TRIOBP: variants seen among roughly 807,000 people sequenced by gnomAD.
TRIOBP encodes TRIO and F-actin-binding protein.
In TRIOBP, 169 loss-of-function variants were observed where a neutral mutation model predicts 238.8. The observed-to-expected ratio is 0.71, with a 90% CI of 0.62 to 0.80. The LOEUF is 0.80. Among genes scored for constraint, TRIOBP ranks in the 30% least tolerant of loss-of-function variants. TRIOBP has a pLI of 0.00. For synonymous variants in TRIOBP, 1,150 were observed against 1,274.4 expected (o/e 0.90, Z 2.08); for missense variants, 2,838 against 3,122.6 (o/e 0.91, Z 2.17).
chr22:37,760,173 T>A (rs1174422000), intron 17 of TRIOBP: 1 of 152,596 alleles, frequency 6.6e-6, no homozygotes, highest in African/African-American at 2.4e-5. Context: ...CTATTGAGAA[T>A]ATTTGAGAAT....
chr22:37,725,099 G>A lies in TRIOBP; in HGVS notation c.2543G>A (p.Cys848Tyr). 6.2e-7 allele frequency: 1 copy of A among 1,614,104 alleles called. No homozygotes were observed. Among genetic ancestry groups the A allele is most frequent in the Non-Finnish European group, 8.5e-7 (1 of 1,180,028 alleles). The part of the protein sequence containing the change: ...CTKRDNLRPT[C>Y]TQRDRTQSFS... The stretch of plus-strand genomic sequence containing the variant: ...AAACGAGATAACCTCAGACCCACTT[G>A]TACACAGCGGGACCGCACACAGTCC... The change falls in exon 7 of 24, where the codon TGT becomes TAT. Residue 848 changes from cysteine (C) to tyrosine (Y), a missense_variant. Cys to Tyr is a radical substitution (Grantham distance 194). Around this residue, in one of 5 missense-constraint regions of TRIOBP, gnomAD observed 2,096 missense variants for 2,137.4 expected, o/e 0.98. Coordinates refer to ENST00000644935, the MANE Select transcript of TRIOBP (RefSeq NM_001039141.3).
rs1156628452 is a variant in TRIOBP at position 37,769,279 on chromosome 22, G to A, written c.6753G>A (p.Leu2251=). ...TCTCCCAGGAGCTGCATGGCCGCCT[G>A]TCAGAGGAGATAGACCAGCTGCGCG... The part of the protein sequence containing the change: ...LRHNQELHGR[L]SEEIDQLRGF... Residue 2251 remains leucine, a synonymous_variant, in exon 21 of 24, where the codon CTG becomes CTA. Coordinates refer to ENST00000644935, the MANE Select transcript of TRIOBP (RefSeq NM_001039141.3). The A allele has an allele frequency of 1.9e-6, 3 of 1,611,744 alleles. No homozygotes were observed.
At chr22:37,727,098 G>T (rs142242232) in intron 7 of TRIOBP, among the ~76,000 whole-genome samples, 1 of 151,348 alleles carries the variant, frequency 6.6e-6, no homozygotes, top group Non-Finnish European at 1.5e-5. Context: ...TACTAGAGAC[G>T]GGGTTTCGCC....
At chr22:37,749,783 C>CAA (rs893218020) in intron 11 of TRIOBP, among the ~76,000 whole-genome samples, 883 of 60,194 alleles carry the variant, frequency 0.015, 8 homozygotes, top group Non-Finnish European at 0.019. Flanking sequence ...CCCATCTCTA[C>CAA]AAAAAAAAAA....
At chr22:37,739,367 C>T (rs1228030306) in intron 10 of TRIOBP, among the ~76,000 whole-genome samples, 4 of 152,250 alleles carry the variant, frequency 2.6e-5, no homozygotes, top group Admixed American at 2.0e-4. Context: ...CTGTGTTTTC[C>T]GGTCCTGCTC....
At chr22:37,751,719 C>T in intron 11 of TRIOBP, 53 bp from the exon 12 acceptor site, 1 of 1,598,616 alleles carries the variant, frequency 6.3e-7, no homozygotes, top group Non-Finnish European at 8.6e-7. Context: ...CCTCACCAGC[C>T]CCCATTGGCT....
chr22:37,746,519 T>G (rs1925280593), intron 11 of TRIOBP: 2 of 1,080,134 alleles, frequency 1.9e-6, no homozygotes, highest in Non-Finnish European at 2.4e-6. Context: ...CCCCTCCTCA[T>G]TTCCCGAAGG....
At position 37,755,659 on chromosome 22, in the gene TRIOBP, A is replaced by C; in HGVS notation, c.5687A>C (p.Lys1896Thr). The C allele has an allele frequency of 1.9e-6, 3 of 1,613,910 alleles. No homozygotes were observed. The highest frequency in any genetic ancestry group is 2.5e-6 in the Non-Finnish European group (3 of 1,179,952). The change falls in exon 15 of 24, where the codon AAG (lysine) becomes ACG (threonine). Residue 1896 changes from lysine (K) to threonine (T), a missense_variant and splice_region_variant. By Grantham distance (78) the Lys-to-Thr change is moderately conservative (BLOSUM62 -1). Transcript: ENST00000644935. ...VRPTSAPDVT[K>T]LSDSNKENAL... is the part of the protein sequence containing the mutation. ...CCAACTTCAGCCCCAGATGTCACCA[A>C]GTACGTACTAAGCTGGACTGGGGCC...
intron 17 of TRIOBP, 144 bp from the exon 18 acceptor site, chr22:37,765,526 A>G (rs1233862863): frequency 1.9e-6 from 2 of 1,052,468 alleles, no homozygotes; most frequent in Non-Finnish European, 2.8e-6. Context: ...TGGGGGTGGG[A>G]GCAGGAGCAG....
Position 37,735,223 on chromosome 22 carries a change from G to C in TRIOBP, c.4887G>C (p.Gln1629His), listed in dbSNP as rs1212167957. ...NDVPEQESHS[Q>H]PEGWAEATPV... ...TCCCTGAGCAGGAGTCACACAGCCAGCCAGAAGGCTGGGCCGAGGCCACCC... is the reference window on the plus strand; with the variant it reads ...TCCCTGAGCAGGAGTCACACAGCCACCCAGAAGGCTGGGCCGAGGCCACCC... The change falls in exon 9 of 24, where the codon CAG (glutamine) becomes CAC (histidine). Residue 1629 changes from glutamine to histidine, a missense_variant. Coordinates refer to ENST00000644935, the MANE Select transcript of TRIOBP (RefSeq NM_001039141.3). 6 of 1,606,236 alleles carry C rather than the reference G, an allele frequency of 3.7e-6. No homozygotes were observed. The highest frequency in any genetic ancestry group is 2.2e-5 in the East Asian group (1 of 44,610).
At chr22:37,701,868 C>T (rs908071545) in intron 3 of TRIOBP, among the ~76,000 whole-genome samples, 1 of 152,214 alleles carries the variant, frequency 6.6e-6, no homozygotes, top group Non-Finnish European at 1.5e-5. Context: ...TGGCTCACGC[C>T]TGTAATCCCA....
chr22:37,753,867 T>G (rs1454547456), intron 12 of TRIOBP, among the ~76,000 whole-genome samples: 1 of 152,150 alleles, frequency 6.6e-6, no homozygotes, highest in African/African-American at 2.4e-5. Context: ...TGATATGCAC[T>G]GACCCTGGCA....
chr22:37,772,318 C>G (rs531286772), intron 22 of TRIOBP, among the ~76,000 whole-genome samples: 33 of 152,310 alleles, frequency 2.2e-4, no homozygotes, highest in Middle Eastern at 3.4e-3. Flanking sequence ...AGCACCCAGC[C>G]AGGCTGACCT....
At chr22:37,761,544 T>C (rs1248941021) in intron 17 of TRIOBP, among the ~76,000 whole-genome samples, 1 of 151,944 alleles carries the variant, frequency 6.6e-6, no homozygotes, top group Non-Finnish European at 1.5e-5. Flanking sequence ...GAAAGTGATG[T>C]TGGAGTGGAG....
Position 37,701,369 on chromosome 22 carries a change from G to A in TRIOBP, c.4G>A (p.Glu2Lys), listed in dbSNP as rs1462520252. Reference protein sequence around the residue: MEEVPGDALCEH... With the variant: MKEVPGDALCEH... ...GCCCTGGCCTGACTCACCCAATATG[G>A]AGGAGGTGCCTGGGGATGCCCTGTG... Residue 2 changes from glutamate to lysine, a missense_variant, in exon 3 of 24, where the codon GAG (glutamate) becomes AAG (lysine). Glu to Lys is a moderately conservative substitution (Grantham distance 56). Around this residue, in one of 5 missense-constraint regions of TRIOBP, gnomAD observed 535 missense variants for 537.3 expected, o/e 1.00. Coordinates refer to ENST00000644935, the MANE Select transcript of TRIOBP (RefSeq NM_001039141.3). The A allele has an allele frequency of 2.5e-6, 4 of 1,612,538 alleles. No individual in the cohort carries two copies. The highest frequency in any genetic ancestry group is 3.4e-6 in the Non-Finnish European group (4 of 1,179,436).
intron 9 of TRIOBP, among the ~76,000 whole-genome samples, chr22:37,738,440 T>C (rs1029387401): frequency 1.3e-5 from 2 of 151,806 alleles, no homozygotes; most frequent in African/African-American, 4.8e-5. Flanking sequence ...CATGAATGGG[T>C]GATAGACAAT....
At chr22:37,768,048 C>T (rs1232190733) in intron 18 of TRIOBP, 26 bp from the exon 19 acceptor site, 6 of 1,595,064 alleles carry the variant, frequency 3.8e-6, no homozygotes, top group Non-Finnish European at 5.1e-6. Context: ...TCCAGTCTCT[C>T]TTGTGCCTCT....
At chr22:37,751,898 G>T in intron 12 of TRIOBP, 70 bp downstream of exon 12, 1 of 1,542,006 alleles carries the variant, frequency 6.5e-7, no homozygotes, top group Non-Finnish European at 8.9e-7. Context: ...CAGCCCAGGA[G>T]TGGGGGTGGG....
At chr22:37,746,001 C>T (rs1001571177) in intron 11 of TRIOBP, among the ~76,000 whole-genome samples, 1 of 149,920 alleles carries the variant, frequency 6.7e-6, no homozygotes, top group Non-Finnish European at 1.5e-5. Flanking sequence ...CGCCCGCCCT[C>T]CGGCCGCCAC....
Sources: allele counts gnomAD v4.1 joint callset (sites outside exome capture counted in the v4.1 genomes callset), GRCh38; gene constraint gnomAD v4.1.1; regional missense constraint gnomAD v4.1.1; transcripts MANE v1.5; gene names NCBI Gene and HGNC (gene_info 2026-07-23, HGNC 2026-07-21).